ENTREP2: variants seen among roughly 807,000 people sequenced by gnomAD.
ENTREP2 encodes protein ENTREP2.
chr15:29,487,283 C>T, the ENTREP2 span, among the ~76,000 whole-genome samples: 5 of 152,104 alleles, frequency 3.3e-5, no homozygotes, highest in Non-Finnish European at 7.4e-5. Flanking sequence ...TCAGAAGAAG[C>T]CTGAGAAGAC....
At chr15:29,357,923 C>T in the ENTREP2 span, among the ~76,000 whole-genome samples, 10 of 151,934 alleles carry the variant, frequency 6.6e-5, no homozygotes, top group Admixed American at 2.0e-4. Context: ...CTGGAGATGC[C>T]GTGGCACACT....
At chr15:29,286,068 A>G in the ENTREP2 span, among the ~76,000 whole-genome samples, 1 of 152,244 alleles carries the variant, frequency 6.6e-6, no homozygotes, top group Non-Finnish European at 1.5e-5. Flanking sequence ...AACAATCACT[A>G]CAACAACTTC....
At chr15:29,467,854 T>G in the ENTREP2 span, among the ~76,000 whole-genome samples, 4 of 152,164 alleles carry the variant, frequency 2.6e-5, no homozygotes, top group Non-Finnish European at 4.4e-5. Flanking sequence ...TGTGCCTAAC[T>G]TGGGGTACCC....
chr15:29,566,397 C>G, the ENTREP2 span, among the ~76,000 whole-genome samples: 1 of 151,746 alleles, frequency 6.6e-6, no homozygotes, highest in African/African-American at 2.4e-5. Context: ...ATCTCCTGAC[C>G]TCGTGATCCA....
At chr15:29,317,169 C>T in the ENTREP2 span, among the ~76,000 whole-genome samples, 2 of 152,110 alleles carry the variant, frequency 1.3e-5, no homozygotes, top group African/African-American at 4.8e-5. Flanking sequence ...AAATGTATTC[C>T]TCAATTAGTG....
At chr15:29,602,704 A>G in the ENTREP2 span, among the ~76,000 whole-genome samples, 1 of 152,014 alleles carries the variant, frequency 6.6e-6, no homozygotes, top group African/African-American at 2.4e-5. Flanking sequence ...TGCCCGGCTA[A>G]TTTTTGTATT....
the ENTREP2 span, among the ~76,000 whole-genome samples, chr15:29,214,213 C>T: frequency 6.6e-6 from 1 of 152,214 alleles, no homozygotes. Context: ...GATTATAAAT[C>T]ATGCTGCTAT....
At chr15:29,341,391 G>C in the ENTREP2 span, among the ~76,000 whole-genome samples, 1 of 152,322 alleles carries the variant, frequency 6.6e-6, no homozygotes, top group East Asian at 1.9e-4. Context: ...AAGGCACAGA[G>C]GCATAACAAG....
At chr15:29,146,410 G>C in the ENTREP2 span, among the ~76,000 whole-genome samples, 1 of 152,148 alleles carries the variant, frequency 6.6e-6, no homozygotes, top group African/African-American at 2.4e-5. Flanking sequence ...CTTACTATGA[G>C]GCTACAGCAA....
the ENTREP2 span, among the ~76,000 whole-genome samples, chr15:29,255,641 T>C: frequency 6.6e-6 from 1 of 152,140 alleles, no homozygotes; most frequent in Non-Finnish European, 1.5e-5. Context: ...TGCCCATCAA[T>C]AGTGGCTTGG....
chr15:29,512,321 G>A, the ENTREP2 span, among the ~76,000 whole-genome samples: 1 of 152,158 alleles, frequency 6.6e-6, no homozygotes, highest in African/African-American at 2.4e-5. Flanking sequence ...ACAAGTCCAC[G>A]TGGACTGCTT....
At chr15:29,481,862 C>T in the ENTREP2 span, among the ~76,000 whole-genome samples, 5 of 152,148 alleles carry the variant, frequency 3.3e-5, no homozygotes, top group African/African-American at 9.7e-5. Context: ...TTATTTAATT[C>T]ATACATGTTA....
the ENTREP2 span, among the ~76,000 whole-genome samples, chr15:29,118,727 C>T: frequency 6.6e-6 from 1 of 152,220 alleles, no homozygotes; most frequent in Non-Finnish European, 1.5e-5. Context: ...GCCGGACCGC[C>T]CATCCCAGCA....
chr15:29,282,043 A>T, the ENTREP2 span, among the ~76,000 whole-genome samples: 1 of 152,146 alleles, frequency 6.6e-6, no homozygotes, highest in Non-Finnish European at 1.5e-5. Context: ...TGTAGGTTAG[A>T]AAGTCAGGAT....
the ENTREP2 span, among the ~76,000 whole-genome samples, chr15:29,372,426 T>TC: frequency 6.6e-6 from 1 of 152,236 alleles, no homozygotes; most frequent in Non-Finnish European, 1.5e-5. Context: ...GACTATGTGA[T>TC]CAGTAAGGCT....
chr15:29,409,636 T>C, the ENTREP2 span, among the ~76,000 whole-genome samples: 2 of 151,748 alleles, frequency 1.3e-5, no homozygotes, highest in African/African-American at 4.8e-5. Context: ...ATTTTTCTTT[T>C]TTTTTTTTTA....
At chr15:29,185,775 T>C in the ENTREP2 span, among the ~76,000 whole-genome samples, 1 of 152,190 alleles carries the variant, frequency 6.6e-6, no homozygotes, top group African/African-American at 2.4e-5. Context: ...TTGGCCAGGC[T>C]GGTCTCGAAC....
chr15:29,668,382 T>C, the ENTREP2 span, among the ~76,000 whole-genome samples: 2 of 152,170 alleles, frequency 1.3e-5, no homozygotes, highest in South Asian at 2.1e-4. Flanking sequence ...AAACATATAA[T>C]TACCGTGACC....
the ENTREP2 span, among the ~76,000 whole-genome samples, chr15:29,203,185 G>A: frequency 2.0e-5 from 3 of 152,204 alleles, no homozygotes; most frequent in African/African-American, 4.8e-5. Context: ...GGCGGATCAC[G>A]AGGACAGGAG....
Sources: gnomAD v4.1 joint callset for allele counts (sites outside exome capture counted in the v4.1 genomes callset) on GRCh38, gnomAD v4.1.1 for gene constraint, MANE v1.5 for transcripts, NCBI Gene and HGNC (gene_info 2026-07-23, HGNC 2026-07-21) for gene names.